The following OSTN variants were observed in gnomAD, a reference collection of about 807,000 sequenced individuals.
The protein encoded by OSTN is osteocrin.
OSTN carries 9 observed loss-of-function variants against 12.0 expected under a neutral mutation model. The observed-to-expected ratio is 0.75, with a 90% CI of 0.45 to 1.30. The LOEUF is 1.30. OSTN is among the 50% of genes most tolerant of loss of function. The pLI, the probability that OSTN is intolerant of heterozygous loss-of-function variation, is 0.00. For synonymous variants in OSTN, 59 were observed against 56.9 expected, an observed-to-expected ratio of 1.04 and a Z score of -0.16; for missense variants, 148 against 152.3, an observed-to-expected ratio of 0.97 and a Z score of 0.15.
chr3:191,231,021 A>G (rs920402006), intron 3 of OSTN, among the ~76,000 whole-genome samples: 17 of 152,256 alleles, frequency 1.1e-4, no homozygotes, highest in African/African-American at 4.1e-4. Context: ...TTAGTCTTCT[A>G]TATTTTTATT....
chr3:191,219,876 T>G (rs1714719373), intron 3 of OSTN, among the ~76,000 whole-genome samples: 1 of 152,166 alleles, frequency 6.6e-6, no homozygotes, highest in Admixed American at 6.5e-5. Context: ...TATTAAATTT[T>G]TTTAACATTT....
intron 4 of OSTN, among the ~76,000 whole-genome samples, chr3:191,254,296 A>G (rs191048797): frequency 1.3e-5 from 2 of 152,392 alleles, no homozygotes; most frequent in East Asian, 3.9e-4. Context: ...TCAGAATGCA[A>G]TGGCAATATG....
intron 3 of OSTN, among the ~76,000 whole-genome samples, chr3:191,222,941 G>A (rs1342734285): frequency 1.3e-5 from 2 of 152,036 alleles, no homozygotes; most frequent in African/African-American, 4.8e-5. Flanking sequence ...GGATGTGTTT[G>A]CTTCTCCTTC....
At position 191,202,618 on chromosome 3, in the gene OSTN, G is replaced by A. The variant is rs1714175061; in HGVS notation, c.-1+3311G>A. ...AAATATTTTATATAAGTACAAAGTG[G>A]AGTAAACAGTGAAGGGGGTCGTGAA... On this transcript the variant is annotated intron_variant, in intron 1 of 4. Transcript: ENST00000682035. 2.6e-5 allele frequency among the ~76,000 whole-genome samples: 4 copies of A among 152,150 alleles called. No individual in the cohort carries two copies. In the South Asian group the frequency reaches 8.3e-4, roughly 32 times the overall value.
chr3:191,205,545 C>T lies in OSTN; in HGVS notation c.-1+6238C>T, dbSNP rs115584610. Reference sequence around the variant, plus strand: ...CTGAAAATTCTTATTATCAAAAATTCGTATTTTGTCTTCACCAATTTTATA... The same window carrying T: ...CTGAAAATTCTTATTATCAAAAATTTGTATTTTGTCTTCACCAATTTTATA... On this transcript the variant is annotated intron_variant, in intron 1 of 4. Transcript: ENST00000682035. 9.3e-3 allele frequency among the ~76,000 whole-genome samples: 1,406 copies of T among 151,646 alleles called. 27 individuals are homozygous for T. Among genetic ancestry groups the T allele is most frequent in the African/African-American group, 0.032 (1,339 of 41,426 alleles).
At chr3:191,205,480 T>C (rs1413402755) in intron 1 of OSTN, among the ~76,000 whole-genome samples, 3 of 151,390 alleles carry the variant, frequency 2.0e-5, no homozygotes, top group Non-Finnish European at 4.4e-5. Flanking sequence ...CCTTCACTAA[T>C]ATCACACACA....
rs145144111 is a variant in OSTN, at chr3:191,250,084, G to A, written c.365G>A (p.Arg122Gln). 49 of 1,613,506 alleles carry A rather than the reference G, an allele frequency of 3.0e-5. No individual in the cohort carries two copies. The African/African-American group carries it at 4.0e-4, about 13-fold the overall frequency. The change falls in exon 4 of 5, where the codon CGG becomes CAG. Residue 122 changes from arginine to glutamine, a missense_variant. By Grantham distance (43) the Arg-to-Gln change is conservative. Coordinates refer to ENST00000682035, the MANE Select transcript of OSTN (RefSeq NM_198184.2). ...PKRRFGIPMD[R>Q]IGRNRLSNSR... ...AGGCGATTTGGTATCCCCATGGATC[G>A]GATTGGTAGAAACCGGCTTTCAAAT... is the stretch of plus-strand genomic sequence containing the variant.
chr3:191,251,891 A>G (rs552915652), intron 4 of OSTN, among the ~76,000 whole-genome samples: 1 of 152,228 alleles, frequency 6.6e-6, no homozygotes, highest in Non-Finnish European at 1.5e-5. Context: ...TGAGTCCTCC[A>G]GTTTCTTGAT....
At chr3:191,214,638 A>T (rs1272283122) in intron 2 of OSTN, among the ~76,000 whole-genome samples, 1 of 151,132 alleles carries the variant, frequency 6.6e-6, no homozygotes, top group Admixed American at 6.6e-5. Context: ...GCTTGAGTCA[A>T]TGATTAAAGG....
intron 3 of OSTN, among the ~76,000 whole-genome samples, chr3:191,247,210 T>C (rs1278882241): frequency 6.6e-6 from 1 of 152,214 alleles, no homozygotes; most frequent in Non-Finnish European, 1.5e-5. Flanking sequence ...ACCAAAGACA[T>C]AGAGCATGAC....
intron 4 of OSTN, among the ~76,000 whole-genome samples, chr3:191,259,780 A>G (rs6444525): frequency 0.21 from 31,425 of 151,418 alleles, 3,740 homozygotes; most frequent in Admixed American, 0.26. Context: ...TAAATGTTTT[A>G]GGTCAAATTT....
At chr3:191,258,657 A>AT (rs1196777217) in intron 4 of OSTN, among the ~76,000 whole-genome samples, 2 of 135,504 alleles carry the variant, frequency 1.5e-5, no homozygotes, top group Non-Finnish European at 3.4e-5. Context: ...TTAAAGTATA[A>AT]TTAAAAAAAA....
chr3:191,256,263 C>T (rs187537951), intron 4 of OSTN, among the ~76,000 whole-genome samples: 63 of 152,150 alleles, frequency 4.1e-4, no homozygotes, highest in African/African-American at 1.5e-3. Flanking sequence ...AAATATAATG[C>T]AAAGTAAAAC....
rs1479192191 is a variant in OSTN at position 191,264,357 on chromosome 3, G to A, written c.*1504G>A. 1 of 152,022 alleles carries A rather than the reference G, an allele frequency of 6.6e-6. No individual in the cohort carries two copies. Among genetic ancestry groups the A allele is most frequent in the Non-Finnish European group, 1.5e-5 (1 of 67,942 alleles). 9.4% of individuals were successfully genotyped at this position (152,022 alleles called of 1,614,324 possible). On this transcript the variant is annotated 3_prime_UTR_variant, in exon 5 of 5. Coordinates refer to ENST00000682035, the MANE Select transcript of OSTN (RefSeq NM_198184.2). ...TAAAGTTTAAAAGAGGCAAAAAGAGGTGAAAGAAATGAACATGTGTACTTA... is the reference window on the plus strand; with the variant it reads ...TAAAGTTTAAAAGAGGCAAAAAGAGATGAAAGAAATGAACATGTGTACTTA...
rs190094338 is a variant in OSTN, at chr3:191,258,899, T to C, written c.*13-3967T>C. On this transcript the variant is annotated intron_variant, in intron 4 of 4. Transcript: ENST00000682035. ...CTGTTACTCTTGCCTAGCCATTACA[T>C]ACACTAAGGTCAAGTCTCTCATAAT... is the stretch of plus-strand genomic sequence containing the variant. Among the ~76,000 whole-genome samples the C allele has an allele frequency of 1.4e-3, 211 of 152,322 alleles. 1 individual carries two copies. The highest frequency in any genetic ancestry group is 4.8e-3 in the African/African-American group (198 of 41,572).
intron 3 of OSTN, among the ~76,000 whole-genome samples, chr3:191,227,259 A>G (rs1282149585): frequency 1.3e-5 from 2 of 152,196 alleles, no homozygotes; most frequent in African/African-American, 4.8e-5. Context: ...TTGTTATAAG[A>G]AAAAAGTGCA....
intron 4 of OSTN, among the ~76,000 whole-genome samples, chr3:191,259,017 G>A (rs896164046): frequency 3.3e-5 from 5 of 152,064 alleles, no homozygotes; most frequent in African/African-American, 9.7e-5. Flanking sequence ...TGCCTACGAC[G>A]CTTAAAACTG....
At chr3:191,210,850 A>C (rs1184711860) in intron 1 of OSTN, among the ~76,000 whole-genome samples, 1 of 152,174 alleles carries the variant, frequency 6.6e-6, no homozygotes, top group Non-Finnish European at 1.5e-5. Flanking sequence ...ATACTCCACG[A>C]TCTTCCCTGA....
chr3:191,220,835 T>C (rs1714743283), intron 3 of OSTN, among the ~76,000 whole-genome samples: 1 of 152,180 alleles, frequency 6.6e-6, no homozygotes, highest in Admixed American at 6.6e-5. Context: ...TATTTATAAA[T>C]TTATTATAGC....
Sources: gnomAD v4.1 joint callset for allele counts (sites outside exome capture counted in the v4.1 genomes callset) on GRCh38, gnomAD v4.1.1 for gene constraint, MANE v1.5 for transcripts, NCBI Gene and HGNC (gene_info 2026-07-23, HGNC 2026-07-21) for gene names.